Variants in TEX15 observed in about 807,000 individuals in gnomAD.
The protein encoded by TEX15 is testis expressed 15, meiosis and synapsis associated.
In TEX15, 171 loss-of-function variants were observed where a neutral mutation model predicts 237.3. The ratio of observed to expected loss-of-function variants is 0.72; its 90% CI spans 0.64 to 0.82. TEX15 has a LOEUF of 0.82. Among genes scored for constraint, TEX15 ranks in the 40% least tolerant of loss-of-function variants. The pLI is 0.00. For synonymous variants in TEX15, 1,338 were observed against 1,269.8 expected (o/e 1.05, Z -1.14); for missense variants, 3,750 against 3,646.5 (o/e 1.03, Z -0.73).
rs1807344848 is a variant in TEX15, at chr8:30,837,818, A to G, written c.8466T>C (p.Asn2822=). The G allele has an allele frequency of 1.2e-6, 2 of 1,614,122 alleles. No individual in the cohort carries two copies. The highest frequency in any genetic ancestry group is 2.2e-5 in the East Asian group (1 of 44,882). The part of the protein sequence containing the change: ...QENLNSMKKR[N]VNFSAAETKS... ...TTGTTTCAGCAGCACTGAAGTTCAC[A>G]TTTCTTTTCTTCATGCTATTTAAAT... The change falls in exon 10 of 11, where the codon AAT becomes AAC. Residue 2822 remains asparagine, a synonymous_variant. Coordinates refer to ENST00000643185, the MANE Select transcript of TEX15 (RefSeq NM_001350162.2).
At chr8:30,905,660 C>T (rs971671130) in intron 1 of TEX15, among the ~76,000 whole-genome samples, 104 of 140,472 alleles carry the variant, frequency 7.4e-4, no homozygotes, top group African/African-American at 2.7e-3. Flanking sequence ...AGGCTGAGGC[C>T]GGTGGATCAC....
intron 1 of TEX15, 96 bp downstream of exon 1, chr8:30,912,783 C>A (rs1809259907): frequency 6.6e-6 from 1 of 152,074 alleles, no homozygotes; most frequent in African/African-American, 2.4e-5. Context: ...TCTGAGACTC[C>A]CCATAATTAA....
At chr8:30,865,064 T>C (rs940149715) in intron 5 of TEX15, among the ~76,000 whole-genome samples, 10 of 151,862 alleles carry the variant, frequency 6.6e-5, no homozygotes, top group Non-Finnish European at 1.2e-4. Flanking sequence ...AAACAAAATA[T>C]ACAAACTGTT....
At chr8:30,907,953 G>A (rs955371516) in intron 1 of TEX15, among the ~76,000 whole-genome samples, 13 of 151,756 alleles carry the variant, frequency 8.6e-5, no homozygotes, top group African/African-American at 2.4e-4. Flanking sequence ...AGAATTCATC[G>A]CCCAGGCTGA....
rs1808954641 is a variant in TEX15, at chr8:30,898,806, A to G, written c.-74T>C. The G allele has an allele frequency of 6.6e-6, 1 of 152,238 alleles. No homozygotes were observed. Among genetic ancestry groups the G allele is most frequent in the Admixed American group, 6.5e-5 (1 of 15,292 alleles). The allele number at this position is 152,238 out of a possible 1,614,324, so 9.4% of individuals were successfully genotyped here. A position where few individuals can be genotyped will look rare whatever the true frequency, so the allele number is the denominator to read the frequency against. ...GTACTCAGTCCATACATGAAAACTG[A>G]TAAGGGAACATCTACAAAATAAAAA... is the stretch of plus-strand genomic sequence containing the variant. On this transcript the variant is annotated 5_prime_UTR_variant, in exon 2 of 11. Transcript: ENST00000643185.
chr8:30,870,105 T>C (rs1808260766), intron 4 of TEX15, among the ~76,000 whole-genome samples: 1 of 151,962 alleles, frequency 6.6e-6, no homozygotes, highest in African/African-American at 2.4e-5. Context: ...TTAGAATTTG[T>C]AGTTATACTC....
intron 7 of TEX15, among the ~76,000 whole-genome samples, chr8:30,854,497 T>C (rs560192158): frequency 2.6e-5 from 4 of 152,206 alleles, no homozygotes; most frequent in African/African-American, 7.2e-5. Flanking sequence ...GAATGAGTAA[T>C]TGAATACTAC....
At chr8:30,834,776 A>C (rs1807255620) in intron 10 of TEX15, among the ~76,000 whole-genome samples, 1 of 152,182 alleles carries the variant, frequency 6.6e-6, no homozygotes, top group African/African-American at 2.4e-5. Context: ...TCCAGGCTAA[A>C]GTATTTGAAT....
chr8:30,885,514 A>T (rs1454747988), intron 3 of TEX15, among the ~76,000 whole-genome samples: 1 of 152,096 alleles, frequency 6.6e-6, no homozygotes, highest in Non-Finnish European at 1.5e-5. Flanking sequence ...TTCTTTTGTA[A>T]ATTGCCCAGT....
In TEX15 at chr8:30,905,680, G is replaced by A. The variant is rs188812637; in HGVS notation, c.-85-6863C>T. 6.1e-4 allele frequency among the ~76,000 whole-genome samples: 89 copies of A among 146,274 alleles called. 1 individual carries two copies. The East Asian group carries it at 0.017, about 27-fold the overall frequency. On this transcript the variant is annotated intron_variant, in intron 1 of 10. Coordinates refer to ENST00000643185, the MANE Select transcript of TEX15 (RefSeq NM_001350162.2). ...GAGGCCGGTGGATCACTTGAGCTCA[G>A]GAGTTCAAGACCAGCCTGGGCAACA...
At chr8:30,864,562 C>G (rs1585296470) in intron 5 of TEX15, among the ~76,000 whole-genome samples, 1 of 146,954 alleles carries the variant, frequency 6.8e-6, no homozygotes, top group South Asian at 2.2e-4. Context: ...TTACTGTAGC[C>G]AGCAAACTAT....
Position 30,833,075 on chromosome 8 carries a change from G to C in TEX15, c.*211C>G. 1 of 428,248 alleles carries C rather than the reference G, an allele frequency of 2.3e-6. No homozygotes were observed. The highest frequency in any genetic ancestry group is 4.2e-6 in the Non-Finnish European group (1 of 238,726). The allele number at this position is 428,248 out of a possible 1,614,324, so 26.5% of individuals were successfully genotyped here. On this transcript the variant is annotated 3_prime_UTR_variant, in exon 11 of 11. Transcript: ENST00000643185. ...ATCATATTACCCTCCCCTTATAATT[G>C]CATGGAAATAATTCTGGTATATCAG...
chr8:30,865,308 A>T (rs1175950445), intron 5 of TEX15, among the ~76,000 whole-genome samples: 1 of 152,142 alleles, frequency 6.6e-6, no homozygotes, highest in Admixed American at 6.6e-5. Flanking sequence ...GAGTGACAAG[A>T]TCAAAACAGT....
intron 10 of TEX15, among the ~76,000 whole-genome samples, chr8:30,834,470 C>A (rs1040244523): frequency 4.1e-5 from 4 of 97,162 alleles, no homozygotes; most frequent in Non-Finnish European, 1.2e-4. Context: ...CTGCGTCCAG[C>A]CTTTTTTCCC....
At chr8:30,893,355 C>T (rs1808834182) in intron 2 of TEX15, among the ~76,000 whole-genome samples, 1 of 152,204 alleles carries the variant, frequency 6.6e-6, no homozygotes, top group South Asian at 2.1e-4. Flanking sequence ...TACCCAGCAA[C>T]CTTGTTAAGC....
At chr8:30,890,106 T>C (rs1053388654) in intron 2 of TEX15, among the ~76,000 whole-genome samples, 4 of 151,182 alleles carry the variant, frequency 2.6e-5, no homozygotes, top group African/African-American at 9.7e-5. Flanking sequence ...ACATATACCA[T>C]GTACTTCATA....
At chr8:30,859,121 C>T (rs1807980005) in intron 6 of TEX15, among the ~76,000 whole-genome samples, 1 of 151,992 alleles carries the variant, frequency 6.6e-6, no homozygotes, top group Non-Finnish European at 1.5e-5. Context: ...TTCAACTACT[C>T]TATTTTATTT....
At chr8:30,892,152 T>C (rs1213884199) in intron 2 of TEX15, among the ~76,000 whole-genome samples, 1 of 152,232 alleles carries the variant, frequency 6.6e-6, no homozygotes, top group Non-Finnish European at 1.5e-5. Context: ...CTTTAAGTCT[T>C]TACTTTGCCT....
chr8:30,866,192 T>C (rs1457093536), intron 5 of TEX15, among the ~76,000 whole-genome samples: 1 of 151,870 alleles, frequency 6.6e-6, no homozygotes, highest in Non-Finnish European at 1.5e-5. Flanking sequence ...TTTACAACAG[T>C]TGCAAATGCT....
Sources: gnomAD v4.1 joint callset for allele counts (sites outside exome capture counted in the v4.1 genomes callset) on GRCh38, gnomAD v4.1.1 for gene constraint, MANE v1.5 for transcripts, NCBI Gene and HGNC (gene_info 2026-07-23, HGNC 2026-07-21) for gene names.